GALNT11: variants seen among roughly 807,000 people sequenced by gnomAD.
The protein encoded by GALNT11 is UDP-GalNAc:polypeptide N-acetylgalactosaminyltransferase 11.
Under a neutral mutation model 72.7 loss-of-function variants are expected in GALNT11, and 47 were observed. The ratio of observed to expected loss-of-function variants is 0.65; its 90% CI spans 0.51 to 0.82. The LOEUF is 0.82. Ranked by LOEUF, GALNT11 falls within the 40% of genes least tolerant of loss-of-function variation. GALNT11 has a pLI of 0.00. For synonymous variants in GALNT11, 270 were observed against 286.6 expected (o/e 0.94, Z 0.58); for missense variants, 677 against 778.4 (o/e 0.87, Z 1.55).
intron 1 of GALNT11, among the ~76,000 whole-genome samples, chr7:152,062,543 C>T (rs1054916845): frequency 2.6e-5 from 4 of 152,110 alleles, no homozygotes; most frequent in African/African-American, 9.7e-5. Context: ...TGTCTTGTGC[C>T]AGTTTTCAAA....
chr7:152,049,322 A>C (rs2083285024), intron 1 of GALNT11, among the ~76,000 whole-genome samples: 1 of 152,212 alleles, frequency 6.6e-6, no homozygotes, highest in African/African-American at 2.4e-5. Flanking sequence ...ATTTTTCGTC[A>C]TTGTTGCCAT....
At chr7:152,060,247 AAT>A (rs2083922244) in intron 1 of GALNT11, among the ~76,000 whole-genome samples, 1 of 152,186 alleles carries the variant, frequency 6.6e-6, no homozygotes, top group African/African-American at 2.4e-5. Context: ...GGTTTAAAGG[AAT>A]ATTTTGGCTG....
At chr7:152,069,575 T>C (rs2084506190) in intron 1 of GALNT11, among the ~76,000 whole-genome samples, 1 of 152,206 alleles carries the variant, frequency 6.6e-6, no homozygotes, top group Admixed American at 6.5e-5. Context: ...TTTTGCCTCA[T>C]GTATTATGAT....
rs2088445123 is a variant in GALNT11 at position 152,113,320 on chromosome 7, A to G, written c.1155A>G (p.Pro385=). The change falls in exon 8 of 12, where the codon CCA becomes CCG. Residue 385 remains proline, a synonymous_variant. Transcript: ENST00000430044. ...RVGHIFRKRR[P]YGSPEGQDTM... ...GACACATTTTCCGAAAAAGGCGACC[A>G]TATGGATCTCCCGAAGGCCAGGACA... 6.2e-7 allele frequency: 1 copy of G among 1,614,052 alleles called. No individual in the cohort carries two copies. Among genetic ancestry groups the G allele is most frequent in the Admixed American group, 1.7e-5 (1 of 60,004 alleles).
chr7:152,078,989 T>C (rs1199108531), intron 1 of GALNT11, among the ~76,000 whole-genome samples: 5 of 149,496 alleles, frequency 3.3e-5, no homozygotes, highest in African/African-American at 1.3e-4. Flanking sequence ...TCCTACTCTG[T>C]CTCCCTTGCC....
At chr7:152,038,725 G>A (rs756185680) in intron 1 of GALNT11, among the ~76,000 whole-genome samples, 17 of 152,200 alleles carry the variant, frequency 1.1e-4, no homozygotes, top group Non-Finnish European at 1.3e-4. Flanking sequence ...AGACAACACA[G>A]ATTAAAAGGA....
intron 1 of GALNT11, among the ~76,000 whole-genome samples, chr7:152,077,715 T>G (rs2085069132): frequency 1.3e-5 from 2 of 152,022 alleles, no homozygotes; most frequent in Admixed American, 1.3e-4. Flanking sequence ...CCTCAAATTA[T>G]TTCTGAAATG....
chr7:152,069,999 TTTTC>T (rs1563055864), intron 1 of GALNT11, among the ~76,000 whole-genome samples: 105 of 147,998 alleles, frequency 7.1e-4, no homozygotes, highest in African/African-American at 2.7e-3. Flanking sequence ...TTCTTTTTCT[TTTTC>T]TTTTTTTTTT....
At chr7:152,113,471 GCTTA>G in intron 8 of GALNT11, 73 bp downstream of exon 8, 1 of 1,534,956 alleles carries the variant, frequency 6.5e-7, no homozygotes, top group Non-Finnish European at 8.9e-7. Context: ...AGCTTTAGTT[GCTTA>G]CTTTTCACTC....
At chr7:152,093,674 C>T (rs2086189459) in intron 1 of GALNT11, among the ~76,000 whole-genome samples, 1 of 152,082 alleles carries the variant, frequency 6.6e-6, no homozygotes, top group Non-Finnish European at 1.5e-5. Context: ...AATGATCCGC[C>T]CACCTCAGCC....
rs367894532 is a variant in GALNT11, at chr7:152,113,404, A to T, written c.1233+6A>T. The T allele has an allele frequency of 6.2e-7, 1 of 1,612,706 alleles. No homozygotes were observed. The highest frequency in any genetic ancestry group is 8.5e-7 in the Non-Finnish European group (1 of 1,179,448). ...TCTGGTTGGATGAATACAAGGTGAG[A>T]TGAAATTTCTTGTTTAGAAGGATGA... is the stretch of plus-strand genomic sequence containing the variant. On this transcript the variant is annotated splice_donor_region_variant and intron_variant, in intron 8 of 11. Coordinates refer to ENST00000430044, the MANE Select transcript of GALNT11 (RefSeq NM_022087.4).
intron 1 of GALNT11, among the ~76,000 whole-genome samples, chr7:152,059,294 G>T (rs1587068571): frequency 6.6e-6 from 1 of 151,668 alleles, no homozygotes; most frequent in Non-Finnish European, 1.5e-5. Flanking sequence ...TAGCGATTGG[G>T]TCTCACTCTG....
At chr7:152,030,455 C>A (rs1335048451) in intron 1 of GALNT11, among the ~76,000 whole-genome samples, 1 of 152,140 alleles carries the variant, frequency 6.6e-6, no homozygotes, top group African/African-American at 2.4e-5. Context: ...GTAATTGCTA[C>A]AAACTAATGA....
intron 9 of GALNT11, chr7:152,117,761 C>T (rs2089023146): frequency 4.6e-6 from 1 of 217,744 alleles, no homozygotes; most frequent in Non-Finnish European, 9.1e-6. Context: ...AATCACAGAG[C>T]AGAGGTGGTA....
chr7:152,036,978 G>T (rs2082611888), intron 1 of GALNT11, among the ~76,000 whole-genome samples: 1 of 152,056 alleles, frequency 6.6e-6, no homozygotes, highest in South Asian at 2.1e-4. Context: ...TATGTATTCT[G>T]GTTATTCATC....
intron 1 of GALNT11, among the ~76,000 whole-genome samples, chr7:152,091,333 C>A (rs555358631): frequency 6.6e-6 from 1 of 151,988 alleles, no homozygotes; most frequent in African/African-American, 2.4e-5. Flanking sequence ...CTCCCCCTCC[C>A]GGGTTCAAGC....
chr7:152,066,074 G>C (rs13246359), intron 1 of GALNT11, among the ~76,000 whole-genome samples: 1 of 152,156 alleles, frequency 6.6e-6, no homozygotes, highest in Non-Finnish European at 1.5e-5. Context: ...CTTGAGCTGC[G>C]GTGGGCTCCA....
intron 3 of GALNT11, among the ~76,000 whole-genome samples, chr7:152,101,807 T>TATA (rs1407757167): frequency 1.3e-5 from 2 of 152,024 alleles, no homozygotes; most frequent in Non-Finnish European, 2.9e-5. Flanking sequence ...TTAATTTTTA[T>TATA]AGTTTTAGTA....
chr7:152,062,088 G>T (rs1463333316), intron 1 of GALNT11, among the ~76,000 whole-genome samples: 1 of 152,160 alleles, frequency 6.6e-6, no homozygotes, highest in Admixed American at 6.5e-5. Context: ...TCACGATATT[G>T]ATTCTTCCTA....
Sources: gnomAD v4.1 joint callset for allele counts (sites outside exome capture counted in the v4.1 genomes callset) on GRCh38, gnomAD v4.1.1 for gene constraint, MANE v1.5 for transcripts, NCBI Gene and HGNC (gene_info 2026-07-23, HGNC 2026-07-21) for gene names.